ZBTB26: variants seen among roughly 807,000 people sequenced by gnomAD.
ZBTB26 encodes zinc finger and BTB domain containing 26.
Under a neutral mutation model 31.6 loss-of-function variants are expected in ZBTB26, and 12 were observed. The ratio of observed to expected loss-of-function variants is 0.38; its 90% CI spans 0.24 to 0.61. The LOEUF (loss-of-function observed/expected upper bound fraction) is 0.61, where lower values mean the gene tolerates loss of function less well. Among genes scored for constraint, ZBTB26 ranks in the 20% least tolerant of loss-of-function variants. The pLI is 0.60. For synonymous variants in ZBTB26, 155 were observed against 182.9 expected, an observed-to-expected ratio of 0.85 and a Z score of 1.23; for missense variants, 311 against 521.9, an observed-to-expected ratio of 0.60 and a Z score of 3.94.
intron 1 of ZBTB26, among the ~76,000 whole-genome samples, chr9:122,923,183 C>CAAAAAAAAAA: frequency 8.6e-6 from 1 of 116,400 alleles, no homozygotes; most frequent in Non-Finnish European, 1.7e-5. Flanking sequence ...GACTCCATCT[C>CAAAAAAAAAA]AAAAAAAAAA....
intron 1 of ZBTB26, among the ~76,000 whole-genome samples, chr9:122,920,707 T>C (rs1350280019): frequency 6.6e-6 from 1 of 152,242 alleles, no homozygotes; most frequent in Non-Finnish European, 1.5e-5. Context: ...TAAGGAACAC[T>C]TCTTTATAAA....
In ZBTB26 at chr9:122,924,615, C is replaced by CTTT; in HGVS notation, c.-10-4674_-10-4672dup. Among the ~76,000 whole-genome samples the CTTT allele has an allele frequency of 4.3e-4, 4 of 9,364 alleles. 1 individual carries two copies. The highest frequency in any genetic ancestry group is 6.4e-4 in the Non-Finnish European group (1 of 1,556). The allele number at this position is 9,364 out of a possible 152,430, so 6.1% of individuals were successfully genotyped here. A position where few individuals can be genotyped will look rare whatever the true frequency, so the allele number is the denominator to read the frequency against. On this transcript the variant is annotated intron_variant, in intron 1 of 1. Transcript: ENST00000373656. ...TTGGCAATATAAAACCAAATTTCAA[C>CTTT]TTTCTTTTTTTTTTTTTTTTTTGAG... is the stretch of plus-strand genomic sequence containing the variant.
At chr9:122,929,492 C>T (rs1833233845) in intron 1 of ZBTB26, among the ~76,000 whole-genome samples, 1 of 152,166 alleles carries the variant, frequency 6.6e-6, no homozygotes, top group African/African-American at 2.4e-5. Flanking sequence ...CAAAACCCTG[C>T]TCAACTACTT....
In ZBTB26 at chr9:122,919,202, T is replaced by G; in HGVS notation, c.733A>C (p.Thr245Pro). The change falls in exon 2 of 2, where the codon ACA (threonine) becomes CCA (proline). Residue 245 changes from threonine (T) to proline (P), a missense_variant. Thr to Pro is a conservative substitution (Grantham distance 38). Around this residue, in one of 5 missense-constraint regions of ZBTB26, gnomAD observed 207 missense variants for 298.6 expected, o/e 0.69. Coordinates refer to ENST00000373656, the MANE Select transcript of ZBTB26 (RefSeq NM_020924.4). The surrounding 1 kb of genome is among the most constrained non-coding windows in gnomAD (Gnocchi z 6.1). ...NHLHNYALSY[T>P]GSDNIIMASK... The stretch of plus-strand genomic sequence containing the variant: ...GCCATGATGATGTTATCACTGCCTG[T>G]ATAAGAAAGGGCATAATTGTGGAGA... 1 of 1,614,270 alleles carries G rather than the reference T, an allele frequency of 6.2e-7. No homozygotes were observed. Among genetic ancestry groups the G allele is most frequent in the Non-Finnish European group, 8.5e-7 (1 of 1,180,052 alleles).
At chr9:122,927,287 T>C (rs1243664491) in intron 1 of ZBTB26, among the ~76,000 whole-genome samples, 1 of 152,218 alleles carries the variant, frequency 6.6e-6, no homozygotes, top group Non-Finnish European at 1.5e-5. Context: ...AATTTGAAAT[T>C]TTCCCTTTGT....
At chr9:122,920,791 G>A (rs776285123) in intron 1 of ZBTB26, among the ~76,000 whole-genome samples, 19 of 152,260 alleles carry the variant, frequency 1.2e-4, no homozygotes, top group Non-Finnish European at 2.2e-4. Flanking sequence ...AACATAGATC[G>A]AATCAATCCC....
intron 1 of ZBTB26, among the ~76,000 whole-genome samples, chr9:122,925,499 C>A (rs1833163311): frequency 1.3e-5 from 2 of 152,196 alleles, no homozygotes; most frequent in South Asian, 4.1e-4. Context: ...ACTTGTAAAC[C>A]CCAACGGAGG....
chr9:122,922,379 A>C (rs1833114715), intron 1 of ZBTB26, among the ~76,000 whole-genome samples: 1 of 152,228 alleles, frequency 6.6e-6, no homozygotes, highest in South Asian at 2.1e-4. Context: ...TTCTACTGTA[A>C]CACTCAACAC....
intron 1 of ZBTB26, among the ~76,000 whole-genome samples, chr9:122,920,871 T>G (rs1441597094): frequency 6.6e-6 from 1 of 152,248 alleles, no homozygotes. Flanking sequence ...CTACTAGAAC[T>G]GATTCATAAA....
At chr9:122,925,555 A>C (rs970332311) in intron 1 of ZBTB26, among the ~76,000 whole-genome samples, 1 of 152,136 alleles carries the variant, frequency 6.6e-6, no homozygotes, top group African/African-American at 2.4e-5. Flanking sequence ...TTTACACTGC[A>C]TGATGCCAAA....
intron 1 of ZBTB26, among the ~76,000 whole-genome samples, chr9:122,926,921 G>T (rs1006904248): frequency 1.3e-5 from 2 of 152,094 alleles, no homozygotes; most frequent in Admixed American, 6.6e-5. Context: ...TAACTTCTAA[G>T]TATAGCAGTA....
Position 122,931,463 on chromosome 9 carries a change from A to ATCCGGCACCGCCAGGAGC in ZBTB26, c.-55_-38dup, listed in dbSNP as rs1222543401. Reference sequence around the variant, plus strand: ...GACCCGGGGGAAGGCCGCCGTCAGGATCCGGCACCGCCAGGAGCTCCGGCC... The same window carrying ATCCGGCACCGCCAGGAGC: ...GACCCGGGGGAAGGCCGCCGTCAGGATCCGGCACCGCCAGGAGCTCCGGCACCGCCAGGAGCTCCGGCC... On this transcript the variant is annotated 5_prime_UTR_variant, in exon 1 of 2. Transcript: ENST00000373656. 3.9e-5 allele frequency: 6 copies of ATCCGGCACCGCCAGGAGC among 152,458 alleles called. No individual in the cohort carries two copies. The highest frequency in any genetic ancestry group is 7.3e-5 in the Non-Finnish European group (5 of 68,182). The allele number at this position is 152,458 out of a possible 1,614,324, so 9.4% of individuals were successfully genotyped here. A position where few individuals can be genotyped will look rare whatever the true frequency, so the allele number is the denominator to read the frequency against.
At position 122,919,700 on chromosome 9, in the gene ZBTB26, C is replaced by T. The variant is rs758582247; in HGVS notation, c.235G>A (p.Glu79Lys). ...EVKISILQSS[E>K]VGRQLLLSCY... is the part of the protein sequence containing the mutation. ...GATAAGAGCAATTGTCTCCCCACTT[C>T]GGAACTCTGTAATATGGAGATTTTC... The change falls in exon 2 of 2, where the codon GAA becomes AAA. Residue 79 changes from glutamate (E) to lysine (K), a missense_variant. Coordinates refer to ENST00000373656, the MANE Select transcript of ZBTB26 (RefSeq NM_020924.4). This position sits in a 1 kb window ranked among gnomAD's most constrained non-coding sequence, Gnocchi z 6.1. 16 of 1,614,048 alleles carry T rather than the reference C, an allele frequency of 9.9e-6. No homozygotes were observed. The highest frequency in any genetic ancestry group is 6.6e-5 in the South Asian group (6 of 91,084).
intron 1 of ZBTB26, among the ~76,000 whole-genome samples, chr9:122,920,881 A>G (rs1833087520): frequency 2.0e-5 from 3 of 152,214 alleles, no homozygotes; most frequent in Non-Finnish European, 4.4e-5. Flanking sequence ...TGATTCATAA[A>G]TGTTGCCTTG....
chr9:122,930,320 A>G (rs539283101), intron 1 of ZBTB26, among the ~76,000 whole-genome samples: 14 of 152,302 alleles, frequency 9.2e-5, no homozygotes, highest in African/African-American at 3.1e-4. Flanking sequence ...GGTCCCTCAC[A>G]CTTCTTCAGC....
At chr9:122,927,173 T>C (rs1833196671) in intron 1 of ZBTB26, among the ~76,000 whole-genome samples, 1 of 152,236 alleles carries the variant, frequency 6.6e-6, no homozygotes. Flanking sequence ...ACTGTTGAGT[T>C]TCTATTAGCA....
chr9:122,927,086 C>A (rs1259075628), intron 1 of ZBTB26, among the ~76,000 whole-genome samples: 7 of 152,202 alleles, frequency 4.6e-5, no homozygotes, highest in Non-Finnish European at 8.8e-5. Context: ...CAACTCCTCA[C>A]TCCTCCATTC....
Position 122,919,085 on chromosome 9 carries a change from G to T in ZBTB26, c.850C>A (p.His284Asn). ...AAATGGTTGGCGTAGTTCTCCAGGT[G>T]ACGAAACACCCTGGTACACTTTGGG... is the stretch of plus-strand genomic sequence containing the variant. Reference protein sequence around the residue: ...QCPKCTRVFRHLENYANHLKM... With the variant: ...QCPKCTRVFRNLENYANHLKM... Residue 284 changes from histidine (H) to asparagine (N), a missense_variant, in exon 2 of 2, where the codon CAC becomes AAC. Physicochemically the swap from His to Asn is moderately conservative, Grantham distance 68. This residue lies in a region of ZBTB26 where 207 missense variants were observed against 298.6 expected (regional missense o/e 0.69). Coordinates refer to ENST00000373656, the MANE Select transcript of ZBTB26 (RefSeq NM_020924.4). This position sits in a 1 kb window ranked among gnomAD's most constrained non-coding sequence, Gnocchi z 6.1. 1 of 1,614,220 alleles carries T rather than the reference G, an allele frequency of 6.2e-7. No individual in the cohort carries two copies. The highest frequency in any genetic ancestry group is 8.5e-7 in the Non-Finnish European group (1 of 1,180,036).
Position 122,918,301 on chromosome 9 carries a change from C to G in ZBTB26, c.*308G>C. On this transcript the variant is annotated 3_prime_UTR_variant, in exon 2 of 2. Coordinates refer to ENST00000373656, the MANE Select transcript of ZBTB26 (RefSeq NM_020924.4). ...ACTTGTTGGTACCTTCGGAATGTGCCTAGTGAAAAGCCTAAAACAGTGTCA... is the reference window on the plus strand; with the variant it reads ...ACTTGTTGGTACCTTCGGAATGTGCGTAGTGAAAAGCCTAAAACAGTGTCA... The G allele has an allele frequency of 6.9e-6, 2 of 288,898 alleles. No homozygotes were observed. Among genetic ancestry groups the G allele is most frequent in the South Asian group, 6.4e-5 (1 of 15,562 alleles). The allele number at this position is 288,898 out of a possible 1,614,324, so 17.9% of individuals were successfully genotyped here. A position where few individuals can be genotyped will look rare whatever the true frequency, so the allele number is the denominator to read the frequency against.
Sources: gnomAD v4.1 joint callset for allele counts (sites outside exome capture counted in the v4.1 genomes callset) on GRCh38, gnomAD v4.1.1 for gene constraint, gnomAD v4.1.1 regional missense constraint, Gnocchi (gnomAD v3.1) non-coding constraint, MANE v1.5 for transcripts, NCBI Gene and HGNC (gene_info 2026-07-23, HGNC 2026-07-21) for gene names.